Variants in FNBP1 observed in about 807,000 individuals in gnomAD.
FNBP1 encodes formin-binding protein 1.
Under a neutral mutation model 90.6 loss-of-function variants are expected in FNBP1, and 26 were observed. The observed-to-expected ratio is 0.29, with a 90% CI of 0.21 to 0.40. The LOEUF (loss-of-function observed/expected upper bound fraction) is 0.40. FNBP1 is among the 10% of genes least tolerant of loss of function. FNBP1 has a pLI of 1.00. For missense variants in FNBP1, 635 were observed against 768.0 expected (o/e 0.83, Z 2.05); for synonymous variants, 260 against 265.2 (o/e 0.98, Z 0.19).
upstream of FNBP1, among the ~76,000 whole-genome samples, chr9:130,047,315 T>C (rs568824765): frequency 6.6e-6 from 1 of 152,286 alleles, no homozygotes; most frequent in East Asian, 1.9e-4. Context: ...ATGTGAATTA[T>C]TAAGTAAAAA....
rs1297033911 is a variant in FNBP1, at chr9:129,915,958, G to T, written c.1185+8C>A. The T allele has an allele frequency of 6.2e-7, 1 of 1,606,952 alleles. No homozygotes were observed. Among genetic ancestry groups the T allele is most frequent in the Admixed American group, 1.7e-5 (1 of 59,922 alleles). ...GACTCAGGACATGCATGGAACAATT[G>T]TGCTTACCAGCTTGAGAGAAAGCTT... On this transcript the variant is annotated splice_region_variant and intron_variant, in intron 11 of 16. Transcript: ENST00000446176.
intron 1 of FNBP1, among the ~76,000 whole-genome samples, chr9:130,001,666 G>A (rs1000283191): frequency 2.6e-5 from 4 of 151,944 alleles, no homozygotes; most frequent in Non-Finnish European, 5.9e-5. Flanking sequence ...TGGCTCACCT[G>A]AGGTCAGGAG....
chr9:129,952,106 G>A (rs951922224), intron 6 of FNBP1, among the ~76,000 whole-genome samples: 4 of 151,828 alleles, frequency 2.6e-5, no homozygotes, highest in Non-Finnish European at 4.4e-5. Context: ...GCATGAGAAC[G>A]GTTTGAACCC....
Position 129,979,700 on chromosome 9 carries a change from C to T in FNBP1, c.141-326G>A, listed in dbSNP as rs188461736. On this transcript the variant is annotated intron_variant, in intron 2 of 16. Coordinates refer to ENST00000446176, the MANE Select transcript of FNBP1 (RefSeq NM_015033.3). ...TGTTGCCCAGGCTGGAATGCGGTAG[C>T]GTGATCTCAGCTCATTGCAACTTCT... Among the ~76,000 whole-genome samples the T allele has an allele frequency of 3.6e-4, 54 of 152,098 alleles. No homozygotes were observed. The East Asian group carries it at 5.2e-3, about 15-fold the overall frequency.
chr9:129,925,897 T>A (rs2041833964), intron 8 of FNBP1, among the ~76,000 whole-genome samples: 1 of 151,456 alleles, frequency 6.6e-6, no homozygotes, highest in African/African-American at 2.4e-5. Flanking sequence ...GCTGGCCAGC[T>A]TTTTTCATTC....
chr9:129,928,985 G>C (rs1564356895), intron 7 of FNBP1, among the ~76,000 whole-genome samples: 1 of 152,104 alleles, frequency 6.6e-6, no homozygotes, highest in East Asian at 1.9e-4. Context: ...CATCTACTTA[G>C]GAGGCTGAAC....
chr9:129,914,757 C>CTATATATATATATATA (rs756342214), intron 11 of FNBP1, among the ~76,000 whole-genome samples: 2 of 109,992 alleles, frequency 1.8e-5, no homozygotes, highest in African/African-American at 3.7e-5. Context: ...ATACATATGT[C>CTATATATATATATATA]TATATATATA....
chr9:129,918,998 CTTT>C (rs5900875), intron 10 of FNBP1: 28 of 153,276 alleles, frequency 1.8e-4, no homozygotes, highest in South Asian at 7.3e-4. Context: ...TTAGGCTTTT[CTTT>C]TTTTTTTTTT....
chr9:129,925,589 C>CTTTTTTTTTTTTTTT (rs576015094), intron 8 of FNBP1, among the ~76,000 whole-genome samples: 1 of 67,114 alleles, frequency 1.5e-5, no homozygotes, highest in African/African-American at 5.8e-5. Flanking sequence ...TTCCTAGTAG[C>CTTTTTTTTTTTTTTT]TTTTTTTTTT....
At chr9:130,035,784 TA>T (rs1388631030) in intron 1 of FNBP1, among the ~76,000 whole-genome samples, 3 of 152,078 alleles carry the variant, frequency 2.0e-5, no homozygotes, top group African/African-American at 7.2e-5. Flanking sequence ...CCATTTCTAC[TA>T]AAAACACAAA....
chr9:130,046,751 C>T (rs1006160312), upstream of FNBP1, among the ~76,000 whole-genome samples: 5 of 145,444 alleles, frequency 3.4e-5, no homozygotes, highest in Non-Finnish European at 6.0e-5. Flanking sequence ...CACTGTACTC[C>T]GGCAACAGAG....
intron 6 of FNBP1, among the ~76,000 whole-genome samples, chr9:129,930,040 G>GTT (rs1436107510): frequency 1.3e-5 from 2 of 150,906 alleles, no homozygotes; most frequent in African/African-American, 4.9e-5. Flanking sequence ...TTTTTTTTGA[G>GTT]GAGGGGATGA....
chr9:130,026,374 GTCCCA>G (rs2058340842), intron 1 of FNBP1, among the ~76,000 whole-genome samples: 1 of 151,692 alleles, frequency 6.6e-6, no homozygotes, highest in Non-Finnish European at 1.5e-5. Context: ...TGCGCCTATA[GTCCCA>G]GCTACCTGGG....
chr9:129,918,759 G>A (rs556373673), intron 10 of FNBP1, among the ~76,000 whole-genome samples: 20 of 151,948 alleles, frequency 1.3e-4, no homozygotes, highest in African/African-American at 4.6e-4. Flanking sequence ...CCGTGACCAC[G>A]CACTGCAGCT....
intron 1 of FNBP1, among the ~76,000 whole-genome samples, chr9:129,995,690 G>C (rs1028317860): frequency 6.6e-6 from 1 of 152,194 alleles, no homozygotes; most frequent in Admixed American, 6.6e-5. Flanking sequence ...AAGAATGAGA[G>C]GGGACAGGTA....
chr9:130,021,635 C>G (rs1012726825), intron 1 of FNBP1, among the ~76,000 whole-genome samples: 3 of 152,022 alleles, frequency 2.0e-5, no homozygotes, highest in African/African-American at 7.2e-5. Flanking sequence ...CTCTCATTAC[C>G]TGTTTTGCAA....
At chr9:129,899,142 A>G (rs543465204) in intron 15 of FNBP1, among the ~76,000 whole-genome samples, 1 of 150,096 alleles carries the variant, frequency 6.7e-6, no homozygotes, top group East Asian at 2.0e-4. Flanking sequence ...CAGTGGCGCT[A>G]TCTCAGCTCA....
the FNBP1 span, among the ~76,000 whole-genome samples, chr9:130,051,668 A>G: frequency 1.6e-4 from 25 of 152,174 alleles, no homozygotes; most frequent in Non-Finnish European, 3.1e-4. Context: ...TACAAAAATT[A>G]GCTGAGCATA....
intron 4 of FNBP1, among the ~76,000 whole-genome samples, chr9:129,972,306 A>G (rs10122700): frequency 0.97 from 147,368 of 152,024 alleles, 71,599 homozygotes; most frequent in East Asian, 1. Flanking sequence ...GCTAATTTTT[A>G]TATTTTTAGT....
Sources: allele counts gnomAD v4.1 joint callset (sites outside exome capture counted in the v4.1 genomes callset), GRCh38; gene constraint gnomAD v4.1.1; transcripts MANE v1.5; gene names NCBI Gene and HGNC (gene_info 2026-07-23, HGNC 2026-07-21).